Variants in MYO19 observed in about 807,000 individuals in gnomAD.
MYO19 encodes the protein myosin XIX.
A neutral mutation model predicts 129.2 loss-of-function variants in MYO19; 132 were observed. The observed-to-expected ratio is 1.02, with a 90% confidence interval of 0.89 to 1.18. The LOEUF is 1.18. Among genes scored for constraint, MYO19 ranks in the 50% most tolerant of loss-of-function variants. The probability of loss-of-function intolerance (pLI) is 0.00; values close to 1 mark genes in which losing one functional copy is unlikely to be tolerated. For missense variants in MYO19, 1,210 were observed against 1,216.7 expected, an observed-to-expected ratio of 0.99 and a Z score of 0.08; for synonymous variants, 531 against 477.2, an observed-to-expected ratio of 1.11 and a Z score of -1.47.
chr17:36,538,392 G>A (rs1193754766), upstream of MYO19: 3 of 1,613,986 alleles, frequency 1.9e-6, no homozygotes, highest in Admixed American at 1.7e-5. Flanking sequence ...AGTCCCTGAA[G>A]CCGAAAGAAT....
At chr17:36,513,184 G>C in intron 11 of MYO19, 1 of 1,417,940 alleles carries the variant, frequency 7.1e-7, no homozygotes, top group Non-Finnish European at 9.2e-7. Context: ...TGCCCCCATG[G>C]ATCACTTACT....
intron 9 of MYO19, among the ~76,000 whole-genome samples, 195 bp from the exon 10 acceptor site, chr17:36,513,920 G>A (rs1038102538): frequency 2.0e-5 from 3 of 152,188 alleles, no homozygotes; most frequent in African/African-American, 7.2e-5. Flanking sequence ...CCAACCTGAT[G>A]CAAAAGAACC....
chr17:36,518,803 T>TA (rs2072967154), intron 6 of MYO19, among the ~76,000 whole-genome samples: 1 of 151,400 alleles, frequency 6.6e-6, no homozygotes, highest in Admixed American at 6.6e-5. Context: ...GATAGACAGA[T>TA]AGATAGATTT....
chr17:36,537,189 G>A, upstream of MYO19: 1 of 1,614,152 alleles, frequency 6.2e-7, no homozygotes, highest in Non-Finnish European at 8.5e-7. Flanking sequence ...GTGCTTTCCT[G>A]CATTCTGTAT....
upstream of MYO19, chr17:36,538,662 G>C: frequency 7.1e-7 from 1 of 1,398,972 alleles, no homozygotes; most frequent in South Asian, 1.4e-5. Flanking sequence ...ATTTAATGAG[G>C]AATATTAATT....
At chr17:36,508,833 T>C (rs1243442756) in intron 14 of MYO19, 1 of 565,624 alleles carries the variant, frequency 1.8e-6, no homozygotes, top group Non-Finnish European at 3.1e-6. Flanking sequence ...GACAAGGCAC[T>C]GTTGAGCCTG....
upstream of MYO19, chr17:36,538,612 G>C: frequency 6.3e-7 from 1 of 1,589,442 alleles, no homozygotes; most frequent in East Asian, 2.2e-5. Flanking sequence ...GTACAATTTT[G>C]GTGATCAGCA....
Position 36,495,793 on chromosome 17 carries a change from A to T in MYO19, c.*458T>A, listed in dbSNP as rs2070916118. The T allele has an allele frequency of 8.1e-7, 1 of 1,240,430 alleles. No homozygotes were observed. The highest frequency in any genetic ancestry group is 4.0e-5 in the South Asian group (1 of 24,702). 76.8% of individuals were successfully genotyped at this position (1,240,430 alleles called of 1,614,324 possible). On this transcript the variant is annotated 3_prime_UTR_variant, in exon 26 of 26. Coordinates refer to ENST00000614623, the MANE Select transcript of MYO19 (RefSeq NM_001163735.2). ...TCATAATTTAATTGTTTGAAATTAC[A>T]TTAAATAAATCAACTAATTAAATAC...
rs970594998 is a variant in MYO19, at chr17:36,501,326, A to G, written c.2081-91T>C. On this transcript the variant is annotated intron_variant, in intron 21 of 25. Coordinates refer to ENST00000614623, the MANE Select transcript of MYO19 (RefSeq NM_001163735.2). ...CTGGCTTTGGCCTCCCTAGCACTCT[A>G]CAGGTCTCTTTCCTGCTGTTCTTGG... 2.2e-6 allele frequency: 3 copies of G among 1,339,832 alleles called. No individual in the cohort carries two copies. In the African/African-American group the frequency reaches 4.4e-5, roughly 20 times the overall value. 83.0% of individuals were successfully genotyped at this position (1,339,832 alleles called of 1,614,324 possible).
intron 23 of MYO19, chr17:36,499,654 C>CTTTTTCTT (rs1260911885): frequency 2.7e-5 from 2 of 73,092 alleles, no homozygotes; most frequent in African/African-American, 1.2e-4. Flanking sequence ...TATTCTTTTT[C>CTTTTTCTT]TTTTTGTTTC....
intron 3 of MYO19, among the ~76,000 whole-genome samples, chr17:36,528,658 T>A (rs1016562402): frequency 6.6e-5 from 10 of 152,194 alleles, no homozygotes; most frequent in African/African-American, 2.2e-4. Flanking sequence ...TGCCTCTTAG[T>A]AGCCCTGTGA....
At position 36,505,318 on chromosome 17, in the gene MYO19, C is replaced by T. The variant is rs540888485; in HGVS notation, c.1884G>A (p.Ala628=). Residue 628 remains alanine (A), a synonymous_variant, in exon 19 of 26, where the codon GCG becomes GCA. Transcript: ENST00000614623. The part of the protein sequence containing the change: ...RCIKPNSQGQ[A]QTFLQEEVLS... ...TTACCTCCTCTTGGAGAAAGGTCTG[C>T]GCCTGGCCCTGGCTGTTGGGCTTGA... 100 of 1,614,178 alleles carry T rather than the reference C, an allele frequency of 6.2e-5. 1 individual carries two copies. The highest frequency in any genetic ancestry group is 4.9e-4 in the Middle Eastern group (3 of 6,062).
Position 36,507,917 on chromosome 17 carries a change from C to CA in MYO19, c.1238dup (p.Asp414GlyfsTer6). On this transcript the variant is annotated frameshift_variant, in exon 15 of 26. Coordinates refer to ENST00000614623, the MANE Select transcript of MYO19 (RefSeq NM_001163735.2). LOFTEE classifies it high-confidence loss of function. ...GAAATGATTCAAATCCATACACATC[C>CA]AGCAGGCCTGGGAAGATGGCAGAGA... 6.2e-7 allele frequency: 1 copy of CA among 1,604,242 alleles called. No individual in the cohort carries two copies. The highest frequency in any genetic ancestry group is 8.5e-7 in the Non-Finnish European group (1 of 1,172,862).
chr17:36,499,435 C>T (rs753571829), intron 23 of MYO19: 38 of 295,066 alleles, frequency 1.3e-4, no homozygotes, highest in Non-Finnish European at 1.8e-4. Flanking sequence ...AATCACTTCC[C>T]GTCTCAGGCT....
chr17:36,540,296 C>T (rs913996038), intron 2 of MYO19, among the ~76,000 whole-genome samples: 3 of 152,060 alleles, frequency 2.0e-5, no homozygotes, highest in Admixed American at 6.6e-5. Flanking sequence ...CGTGATCCTC[C>T]CATCACAGCC....
Position 36,506,487 on chromosome 17 carries a change from G to A in MYO19, c.1766C>T (p.Ala589Val), listed in dbSNP as rs761973657. 5 of 1,613,510 alleles carry A rather than the reference G, an allele frequency of 3.1e-6. No homozygotes were observed. In the South Asian group the frequency reaches 5.5e-5, roughly 18 times the overall value. The change falls in exon 18 of 26, where the codon GCC (alanine) becomes GTC (valine). Residue 589 changes from alanine (A) to valine (V), a missense_variant. Ala to Val is a moderately conservative substitution (Grantham distance 64). Coordinates refer to ENST00000614623, the MANE Select transcript of MYO19 (RefSeq NM_001163735.2). ...TQEEPPGQSR[A>V]PVLTVVSKFK... ...CTTGGACACCACGGTCAACACAGGGGCCCTGCTCTGGCCAGGGGGTTCCTC... is the reference window on the plus strand; with the variant it reads ...CTTGGACACCACGGTCAACACAGGGACCCTGCTCTGGCCAGGGGGTTCCTC...
In MYO19 at chr17:36,505,362, G is replaced by A. The variant is rs753546323; in HGVS notation, c.1840C>T (p.Pro614Ser). Residue 614 changes from proline (P) to serine (S), a missense_variant, in exon 19 of 26, where the codon CCC (proline) becomes TCC (serine). By Grantham distance (74) the Pro-to-Ser change is moderately conservative. Coordinates refer to ENST00000614623, the MANE Select transcript of MYO19 (RefSeq NM_001163735.2). ...QLLQVLHSTT[P>S]HYIRCIKPNS... ...GGCTTGATGCAGCGAATGTAGTGGG[G>A]CGTGGTGCTGTGTAGGACCTGCAGA... 7 of 1,614,146 alleles carry A rather than the reference G, an allele frequency of 4.3e-6. No individual in the cohort carries two copies. The highest frequency in any genetic ancestry group is 5.9e-6 in the Non-Finnish European group (7 of 1,180,052).
chr17:36,499,231 A>G (rs1428974477), intron 23 of MYO19, 71 bp from the exon 24 acceptor site: 13 of 1,101,192 alleles, frequency 1.2e-5, no homozygotes, highest in Non-Finnish European at 1.7e-5. Flanking sequence ...ACCTCGCTGC[A>G]GCAGCACCAC....
At chr17:36,518,673 A>C (rs1481257530) in intron 6 of MYO19, among the ~76,000 whole-genome samples, 2 of 150,410 alleles carry the variant, frequency 1.3e-5, no homozygotes, top group Non-Finnish European at 3.0e-5. Context: ...TTTATATGAC[A>C]GCATAGCATC....
Sources: allele counts gnomAD v4.1 joint callset (sites outside exome capture counted in the v4.1 genomes callset), GRCh38; gene constraint gnomAD v4.1.1; transcripts MANE v1.5; gene names NCBI Gene and HGNC (gene_info 2026-07-23, HGNC 2026-07-21).